The following NLRP1 variants were observed in gnomAD, a reference collection of about 807,000 sequenced individuals.
The protein encoded by NLRP1 is NLR family pyrin domain containing 1, also known as NACHT, LRR and PYD domains-containing protein 1.
A neutral mutation model predicts 136.7 loss-of-function variants in NLRP1; 94 were observed. That is an observed-to-expected ratio of 0.69 (90% CI 0.58 to 0.82). NLRP1 has a LOEUF of 0.82. Among genes scored for constraint, NLRP1 ranks in the 40% least tolerant of loss-of-function variants. NLRP1 has a pLI of 0.00. For missense variants in NLRP1, 1,575 were observed against 1,802.7 expected, an observed-to-expected ratio of 0.87 and a Z score of 2.29; for synonymous variants, 690 against 725.1, an observed-to-expected ratio of 0.95 and a Z score of 0.78.
At position 5,501,580 on chromosome 17, in the gene NLRP1, CTCTG is replaced by C; in HGVS notation, c.*230_*233del. ...TTTCTCTGCCTTCTTCCTTTTTTTT[CTCTG>C]TCTCTCCATCTGCATCTGTATGTGT... On this transcript the variant is annotated 3_prime_UTR_variant, in exon 16 of 16. Transcript: ENST00000262467. 10 of 419,164 alleles carry C rather than the reference CTCTG, an allele frequency of 2.4e-5. No homozygotes were observed. The South Asian group carries it at 3.1e-4, about 13-fold the overall frequency. 26.0% of individuals were successfully genotyped at this position (419,164 alleles called of 1,614,324 possible).
intron 3 of NLRP1, among the ~76,000 whole-genome samples, chr17:5,564,213 A>G (rs1915074686): frequency 6.6e-6 from 1 of 152,198 alleles, no homozygotes; most frequent in Non-Finnish European, 1.5e-5. Context: ...ATCCAACTAT[A>G]TTCTTTGTTA....
At chr17:5,571,610 C>A (rs1034354334) in intron 3 of NLRP1, among the ~76,000 whole-genome samples, 1 of 152,134 alleles carries the variant, frequency 6.6e-6, no homozygotes, top group African/African-American at 2.4e-5. Flanking sequence ...GATACACACA[C>A]AAATGGAAAA....
chr17:5,558,808 A>G lies in NLRP1; in HGVS notation c.1888T>C (p.Phe630Leu). The G allele has an allele frequency of 6.2e-7, 1 of 1,614,224 alleles. No individual in the cohort carries two copies. Among genetic ancestry groups the G allele is most frequent in the Non-Finnish European group, 8.5e-7 (1 of 1,180,014 alleles). ...TCCAAGACATAGGACATTGCTGCAAAGAACTCTTGGAAACAGAGGTGAATG... is the reference window on the plus strand; with the variant it reads ...TCCAAGACATAGGACATTGCTGCAAGGAACTCTTGGAAACAGAGGTGAATG... ...SFIHLCFQEF[F>L]AAMSYVLEDE... The change falls in exon 4 of 17, where the codon TTT (phenylalanine) becomes CTT (leucine). Residue 630 changes from phenylalanine (F) to leucine (L), a missense_variant. Phe to Leu is a conservative substitution (Grantham distance 22, BLOSUM62 0). Transcript: ENST00000572272.
At chr17:5,545,057 TG>T (rs1567649896) in intron 5 of NLRP1, among the ~76,000 whole-genome samples, 2 of 152,200 alleles carry the variant, frequency 1.3e-5, no homozygotes, top group African/African-American at 4.8e-5. Context: ...TGTCTTTCCT[TG>T]CTCTCATAAG....
intron 5 of NLRP1, among the ~76,000 whole-genome samples, chr17:5,543,980 TG>T (rs886615856): frequency 6.6e-6 from 1 of 152,046 alleles, no homozygotes; most frequent in Non-Finnish European, 1.5e-5. Flanking sequence ...CCTTCTAGAT[TG>T]GGGGGGTTAA....
chr17:5,512,410 T>C, downstream of NLRP1: 2 of 971,124 alleles, frequency 2.1e-6, no homozygotes, highest in Non-Finnish European at 1.7e-6. Flanking sequence ...CATATCTTGA[T>C]TTTCAAGGGC....
rs61423314 is a variant in NLRP1 at position 5,520,777 on chromosome 17, C to T, written c.3915+104G>A. On this transcript the variant is annotated intron_variant, in intron 14 of 16. Coordinates refer to ENST00000572272, the MANE Select transcript of NLRP1 (RefSeq NM_033004.4). ...ATCCCACTCACTTTCTGTTCAACCT[C>T]GATTTATCCTGTCCCTGAGAAAGCC... 2,541 of 1,093,408 alleles carry T rather than the reference C, an allele frequency of 2.3e-3. 82 individuals carry two copies. In the East Asian group the frequency reaches 0.055, roughly 24 times the overall value. The allele number at this position is 1,093,408 out of a possible 1,614,324, so 67.7% of individuals were successfully genotyped here. A position where few individuals can be genotyped will look rare whatever the true frequency, so the allele number is the denominator to read the frequency against.
chr17:5,580,266 C>T (rs1331382684), intron 3 of NLRP1, among the ~76,000 whole-genome samples: 1 of 151,832 alleles, frequency 6.6e-6, no homozygotes, highest in Non-Finnish European at 1.5e-5. Context: ...CAAAAAACAA[C>T]AAACAAAAAA....
At chr17:5,561,000 T>C (rs978919409) in intron 3 of NLRP1, among the ~76,000 whole-genome samples, 6 of 152,260 alleles carry the variant, frequency 3.9e-5, no homozygotes, top group Admixed American at 6.5e-5. Context: ...TCTTCTGTTC[T>C]TTTCTTCACA....
At chr17:5,521,833 T>A in intron 12 of NLRP1, 47 bp from the exon 13 acceptor site, 1 of 1,516,512 alleles carries the variant, frequency 6.6e-7, no homozygotes, top group Non-Finnish European at 8.8e-7. Flanking sequence ...TTTATTTATT[T>A]ATTTTGTTGA....
intron 15 of NLRP1, among the ~76,000 whole-genome samples, chr17:5,509,053 C>G (rs951832498): frequency 6.6e-6 from 1 of 152,174 alleles, no homozygotes; most frequent in Admixed American, 6.5e-5. Flanking sequence ...CCTAGATGGC[C>G]CCGCATTGCC....
chr17:5,512,263 G>C, downstream of NLRP1: 1 of 1,533,450 alleles, frequency 6.5e-7, no homozygotes, highest in Non-Finnish European at 9.0e-7. Context: ...ATCAGGACAA[G>C]ATCTAGACAG....
chr17:5,553,649 C>G, intron 4 of NLRP1, 93 bp from the exon 5 acceptor site: 1 of 1,178,800 alleles, frequency 8.5e-7, no homozygotes, highest in Non-Finnish European at 1.2e-6. Context: ...GCTTTGTCCC[C>G]CTGAGCACCA....
chr17:5,533,830 T>C, intron 9 of NLRP1, 67 bp downstream of exon 9: 1 of 1,045,794 alleles, frequency 9.6e-7, no homozygotes, highest in South Asian at 1.4e-5. Context: ...ATGGAGGGAA[T>C]GACCTCCCAC....
At position 5,539,422 on chromosome 17, in the gene NLRP1, G is replaced by T; in HGVS notation, c.2863C>A (p.Arg955Ser). ...GGACCCACAGGGCCTTACCCCAGGC[G>T]TATGAGTTTGCAGGCAGGATGCCTG... Reference protein sequence around the residue: ...GLRHPACKLIRLGLDQTTLSD... With the variant: ...GLRHPACKLISLGLDQTTLSD... The change falls in exon 7 of 17, where the codon CGC (arginine) becomes AGC (serine). Residue 955 changes from arginine (R) to serine (S), a missense_variant. Coordinates refer to ENST00000572272, the MANE Select transcript of NLRP1 (RefSeq NM_033004.4). The T allele has an allele frequency of 6.2e-7, 1 of 1,612,344 alleles. No individual in the cohort carries two copies. Among genetic ancestry groups the T allele is most frequent in the East Asian group, 2.2e-5 (1 of 44,852 alleles).
intron 4 of NLRP1, among the ~76,000 whole-genome samples, chr17:5,556,268 A>G (rs1914067226): frequency 6.6e-6 from 1 of 152,108 alleles, no homozygotes; most frequent in South Asian, 2.1e-4. Context: ...TGGTCAACAC[A>G]GTGAAATCTC....
chr17:5,566,120 C>T (rs1915304174), intron 3 of NLRP1, among the ~76,000 whole-genome samples: 1 of 151,930 alleles, frequency 6.6e-6, no homozygotes, highest in Non-Finnish European at 1.5e-5. Context: ...TTCAAAAAAT[C>T]AACTTTTTGT....
intron 3 of NLRP1, among the ~76,000 whole-genome samples, chr17:5,576,280 C>G (rs1434465787): frequency 1.3e-5 from 2 of 152,092 alleles, no homozygotes; most frequent in African/African-American, 2.4e-5. Flanking sequence ...AAGATCAGAG[C>G]AGAACTGAAG....
chr17:5,512,537 G>A (rs1220368535), downstream of NLRP1: 3 of 583,810 alleles, frequency 5.1e-6, no homozygotes, highest in African/African-American at 1.9e-5. Context: ...TCCTCTTGGA[G>A]GAAGGGTTGT....
Sources: allele counts gnomAD v4.1 joint callset (sites outside exome capture counted in the v4.1 genomes callset), GRCh38; gene constraint gnomAD v4.1.1; transcripts MANE v1.5; gene names NCBI Gene and HGNC (gene_info 2026-07-23, HGNC 2026-07-21).